Variants in EYS observed in about 807,000 individuals in gnomAD.
EYS encodes EGF-like photoreceptor maintenance factor.
A neutral mutation model predicts 282.1 loss-of-function variants in EYS; 250 were observed. The observed-to-expected ratio is 0.89, with a 90% CI of 0.80 to 0.98. The LOEUF is 0.98. EYS is among the 50% of genes least tolerant of loss of function. The pLI is 0.00. For missense variants in EYS, 4,016 were observed against 3,709.0 expected (o/e 1.08, Z -2.15); for synonymous variants, 1,355 against 1,282.9 (o/e 1.06, Z -1.20).
intron 12 of EYS, among the ~76,000 whole-genome samples, chr6:65,188,641 C>T (rs1765568113): frequency 6.6e-6 from 1 of 150,612 alleles, no homozygotes; most frequent in Admixed American, 6.7e-5. Context: ...CTTTAAAATA[C>T]AGATATTATT....
At chr6:64,999,417 G>A (rs189581657) in intron 13 of EYS, among the ~76,000 whole-genome samples, 12 of 152,286 alleles carry the variant, frequency 7.9e-5, no homozygotes, top group Non-Finnish European at 1.5e-4. Context: ...TGATATGGAA[G>A]TGCTGGAATG....
intron 34 of EYS, 40 bp from the exon 35 acceptor site, chr6:63,984,643 G>T: frequency 1.5e-6 from 2 of 1,350,768 alleles, no homozygotes; most frequent in South Asian, 1.3e-5. Flanking sequence ...ATAGGTTGTT[G>T]TCAGATTATG....
At chr6:64,288,532 C>T (rs950044336) in intron 30 of EYS, among the ~76,000 whole-genome samples, 6 of 152,200 alleles carry the variant, frequency 3.9e-5, no homozygotes, top group South Asian at 4.1e-4. Context: ...GTCATTTATA[C>T]GGCCTTCAAC....
rs143095070 is a variant in EYS at position 65,350,513 on chromosome 6, T to A, written c.1459+2945A>T. On this transcript the variant is annotated intron_variant, in intron 9 of 42. Coordinates refer to ENST00000503581, the MANE Select transcript of EYS (RefSeq NM_001142800.2). ...ACTAGTACATGTTAAGTGTTTTAAC[T>A]CTATGTTTAACTTGGATAAGCAAAC... Among the ~76,000 whole-genome samples, 357 of 151,806 alleles carry A rather than the reference T, an allele frequency of 2.4e-3. 1 individual carries two copies. The highest frequency in any genetic ancestry group is 8.3e-3 in the African/African-American group (343 of 41,542).
intron 8 of EYS, among the ~76,000 whole-genome samples, chr6:65,382,588 G>C (rs1765660303): frequency 6.6e-6 from 1 of 151,370 alleles, no homozygotes; most frequent in Non-Finnish European, 1.5e-5. Context: ...ATGAAAAGGG[G>C]AGTTTATTAA....
chr6:64,435,119 A>C (rs1774696428), intron 28 of EYS, among the ~76,000 whole-genome samples: 1 of 152,088 alleles, frequency 6.6e-6, no homozygotes, highest in South Asian at 2.1e-4. Context: ...AAGATATTAA[A>C]TGTGTGTCTG....
intron 29 of EYS, among the ~76,000 whole-genome samples, chr6:64,340,314 C>T (rs1771051367): frequency 6.6e-6 from 1 of 151,790 alleles, no homozygotes. Context: ...TACCTGACTT[C>T]AAACTGTATT....
intron 22 of EYS, among the ~76,000 whole-genome samples, chr6:64,776,455 G>A (rs571558820): frequency 6.6e-6 from 1 of 152,064 alleles, no homozygotes; most frequent in Non-Finnish European, 1.5e-5. Flanking sequence ...ACATATATAG[G>A]AAAAATATAA....
intron 13 of EYS, among the ~76,000 whole-genome samples, chr6:65,007,365 C>T (rs896524584): frequency 4.6e-5 from 7 of 152,082 alleles, no homozygotes; most frequent in African/African-American, 1.7e-4. Flanking sequence ...GACCCTCAGA[C>T]GCTAAGAAAG....
chr6:64,933,962 C>T (rs997519741), intron 15 of EYS, among the ~76,000 whole-genome samples: 5 of 151,674 alleles, frequency 3.3e-5, no homozygotes. Context: ...CATCACACAC[C>T]AGGGCCTGTT....
intron 33 of EYS, among the ~76,000 whole-genome samples, chr6:64,040,962 T>C (rs1240050657): frequency 5.3e-5 from 8 of 152,334 alleles, no homozygotes; most frequent in African/African-American, 1.7e-4. Context: ...AATCAGATTT[T>C]GGTTCATAGA....
At chr6:64,650,449 A>G (rs1242252470) in intron 22 of EYS, among the ~76,000 whole-genome samples, 1 of 152,066 alleles carries the variant, frequency 6.6e-6, no homozygotes, top group Non-Finnish European at 1.5e-5. Flanking sequence ...AACCCCAAAA[A>G]GAAATAAATA....
intron 29 of EYS, among the ~76,000 whole-genome samples, chr6:64,366,056 G>A (rs1262841585): frequency 6.6e-6 from 1 of 151,956 alleles, no homozygotes; most frequent in African/African-American, 2.4e-5. Context: ...AATATTTTAA[G>A]GTTTTGTAGA....
chr6:65,423,209 G>A (rs1582271927), intron 5 of EYS, among the ~76,000 whole-genome samples: 1 of 151,886 alleles, frequency 6.6e-6, no homozygotes, highest in Non-Finnish European at 1.5e-5. Context: ...AGGGGGAGGA[G>A]TAAATATCTG....
At chr6:64,508,485 C>G (rs1035607701) in intron 26 of EYS, among the ~76,000 whole-genome samples, 2 of 151,268 alleles carry the variant, frequency 1.3e-5, no homozygotes, top group African/African-American at 4.8e-5. Flanking sequence ...TCTTCAAGCC[C>G]TAAGATCATA....
At chr6:63,742,336 T>C (rs1209581246) in intron 41 of EYS, among the ~76,000 whole-genome samples, 1 of 152,140 alleles carries the variant, frequency 6.6e-6, no homozygotes, top group Admixed American at 6.5e-5. Context: ...GCCAGCCTCT[T>C]GGCTTTAAGC....
intron 2 of EYS, among the ~76,000 whole-genome samples, chr6:65,612,813 T>A (rs1766047355): frequency 6.6e-6 from 1 of 151,724 alleles, no homozygotes; most frequent in Non-Finnish European, 1.5e-5. Context: ...TAGTTTATAT[T>A]AGTTGATTGG....
At chr6:63,748,607 G>A (rs545715731) in intron 41 of EYS, among the ~76,000 whole-genome samples, 4 of 152,040 alleles carry the variant, frequency 2.6e-5, no homozygotes, top group South Asian at 2.1e-4. Context: ...CTGTGAATCT[G>A]TCTGGTCCTG....
At chr6:65,244,760 G>C (rs1767139594) in intron 12 of EYS, among the ~76,000 whole-genome samples, 1 of 151,352 alleles carries the variant, frequency 6.6e-6, no homozygotes, top group Admixed American at 6.6e-5. Context: ...CTGACCTGCT[G>C]ATCCGCCCGC....
Sources: allele counts gnomAD v4.1 joint callset (sites outside exome capture counted in the v4.1 genomes callset), GRCh38; gene constraint gnomAD v4.1.1; transcripts MANE v1.5; gene names NCBI Gene and HGNC (gene_info 2026-07-23, HGNC 2026-07-21).